Variants in PTPRD observed in about 807,000 individuals in gnomAD.
PTPRD encodes the protein protein tyrosine phosphatase receptor type D, also known as receptor-type tyrosine-protein phosphatase delta.
PTPRD carries 34 observed loss-of-function variants against 214.5 expected under a neutral mutation model. That is an observed-to-expected ratio of 0.16 (90% CI 0.12 to 0.21). PTPRD has a LOEUF of 0.21. PTPRD is among the 10% of genes least tolerant of loss of function. PTPRD has a pLI of 1.00. For missense variants in PTPRD, 2,545 were observed against 2,398.7 expected (o/e 1.06, Z -1.27); for synonymous variants, 1,128 against 845.7 (o/e 1.33, Z -5.79).
intron 12 of PTPRD, among the ~76,000 whole-genome samples, chr9:8,699,297 C>T (rs182556475): frequency 6.6e-6 from 1 of 152,132 alleles, no homozygotes; most frequent in Admixed American, 6.5e-5. Context: ...CAGGGCCTTT[C>T]AACATATCCC....
chr9:9,766,272 T>C (rs1180474601), intron 6 of PTPRD, among the ~76,000 whole-genome samples: 1 of 152,210 alleles, frequency 6.6e-6, no homozygotes, highest in Non-Finnish European at 1.5e-5. Flanking sequence ...ACAGGCATTG[T>C]GTATTAACCT....
chr9:9,437,560 C>A (rs1569568321), intron 8 of PTPRD, among the ~76,000 whole-genome samples: 1 of 152,040 alleles, frequency 6.6e-6, no homozygotes, highest in Non-Finnish European at 1.5e-5. Context: ...TTTTAGTAGT[C>A]CTGCTTGAGG....
intron 3 of PTPRD, among the ~76,000 whole-genome samples, chr9:10,184,781 T>C (rs2099321238): frequency 6.6e-6 from 1 of 152,188 alleles, no homozygotes; most frequent in Non-Finnish European, 1.5e-5. Context: ...AAGTGATAAA[T>C]GCGAGGTTTC....
chr9:8,937,608 G>T (rs1024162020), intron 11 of PTPRD, among the ~76,000 whole-genome samples: 2 of 152,048 alleles, frequency 1.3e-5, no homozygotes, highest in African/African-American at 4.8e-5. Context: ...GCTTTGCATT[G>T]CAGCTTGGAA....
At chr9:9,984,852 G>A (rs773636101) in intron 4 of PTPRD, among the ~76,000 whole-genome samples, 8 of 152,068 alleles carry the variant, frequency 5.3e-5, no homozygotes, top group African/African-American at 1.7e-4. Flanking sequence ...GGCTGGGCAA[G>A]CATCATCAGT....
chr9:9,592,718 A>C (rs891828784), intron 7 of PTPRD, among the ~76,000 whole-genome samples: 1 of 151,968 alleles, frequency 6.6e-6, no homozygotes, highest in South Asian at 2.1e-4. Flanking sequence ...GTAGGTGAAG[A>C]TTGCTAAAAC....
At chr9:9,862,555 T>G (rs1249179260) in intron 5 of PTPRD, among the ~76,000 whole-genome samples, 1 of 152,220 alleles carries the variant, frequency 6.6e-6, no homozygotes, top group Non-Finnish European at 1.5e-5. Flanking sequence ...GGCAAAGGCT[T>G]CAGAAACTGC....
chr9:9,076,305 G>C lies in PTPRD; in HGVS notation c.-142-57570C>G, dbSNP rs535950847. On this transcript the variant is annotated intron_variant, in intron 10 of 45. Coordinates refer to ENST00000381196, the MANE Select transcript of PTPRD (RefSeq NM_002839.4). ...TCTGGATATTAGCCCTTTGTCAGAC[G>C]GGGAGATTGCAAAAATTTTCCCCCG... 2.4e-4 allele frequency among the ~76,000 whole-genome samples: 37 copies of C among 152,148 alleles called. 1 individual carries two copies. The South Asian group carries it at 5.8e-3, about 24-fold the overall frequency.
At chr9:9,524,430 T>G (rs533676695) in intron 8 of PTPRD, among the ~76,000 whole-genome samples, 1 of 152,214 alleles carries the variant, frequency 6.6e-6, no homozygotes, top group Non-Finnish European at 1.5e-5. Context: ...TCCTAAAGAT[T>G]TATTGCTTAA....
intron 37 of PTPRD, among the ~76,000 whole-genome samples, chr9:8,379,398 T>G (rs976078978): frequency 2.0e-5 from 3 of 152,276 alleles, no homozygotes; most frequent in Non-Finnish European, 4.4e-5. Context: ...CATCTGATTT[T>G]GGAGGGCTGA....
chr9:9,729,703 A>G (rs927699531), intron 7 of PTPRD, among the ~76,000 whole-genome samples: 3 of 152,110 alleles, frequency 2.0e-5, no homozygotes, highest in African/African-American at 7.2e-5. Context: ...AGTTGGGGTC[A>G]TGTCATATCC....
intron 3 of PTPRD, among the ~76,000 whole-genome samples, chr9:10,323,479 T>A (rs1225378396): frequency 6.6e-6 from 1 of 151,202 alleles, no homozygotes; most frequent in Non-Finnish European, 1.5e-5. Context: ...TATTTATTTA[T>A]GTATTTATTA....
intron 14 of PTPRD, among the ~76,000 whole-genome samples, chr9:8,623,663 A>G (rs1288241312): frequency 6.6e-6 from 1 of 151,894 alleles, no homozygotes; most frequent in African/African-American, 2.4e-5. Flanking sequence ...ACAGCTTTAC[A>G]TGGATTATCT....
chr9:9,198,295 C>A (rs2099939830), intron 9 of PTPRD, among the ~76,000 whole-genome samples: 1 of 151,770 alleles, frequency 6.6e-6, no homozygotes, highest in Admixed American at 6.6e-5. Flanking sequence ...ACCATAAAAT[C>A]AAACCAAACT....
At chr9:9,359,005 C>A (rs528301862) in intron 9 of PTPRD, among the ~76,000 whole-genome samples, 2 of 151,326 alleles carry the variant, frequency 1.3e-5, no homozygotes, top group Admixed American at 6.6e-5. Context: ...GCTGCACTTG[C>A]ATTTATTATG....
intron 3 of PTPRD, among the ~76,000 whole-genome samples, chr9:10,069,277 G>A (rs1348523011): frequency 6.6e-6 from 1 of 151,962 alleles, no homozygotes; most frequent in Non-Finnish European, 1.5e-5. Context: ...CAAGGTCAAT[G>A]AGTCTCATTA....
intron 7 of PTPRD, among the ~76,000 whole-genome samples, chr9:9,618,857 G>A (rs1409555784): frequency 6.6e-6 from 1 of 151,990 alleles, no homozygotes; most frequent in African/African-American, 2.4e-5. Context: ...AAAGGCAGGA[G>A]GTTAGGGAAG....
intron 6 of PTPRD, among the ~76,000 whole-genome samples, chr9:9,740,457 A>C (rs1028294177): frequency 6.6e-6 from 1 of 151,464 alleles, no homozygotes; most frequent in African/African-American, 2.4e-5. Context: ...TCCCGGGTTC[A>C]CGCCATTCTC....
chr9:10,292,756 A>G (rs1250757330), intron 3 of PTPRD, among the ~76,000 whole-genome samples: 1 of 151,782 alleles, frequency 6.6e-6, no homozygotes, highest in Non-Finnish European at 1.5e-5. Context: ...CTGATGAATG[A>G]CTGTAGGATT....
Sources: allele counts gnomAD v4.1 joint callset (sites outside exome capture counted in the v4.1 genomes callset), GRCh38; gene constraint gnomAD v4.1.1; transcripts MANE v1.5; gene names NCBI Gene and HGNC (gene_info 2026-07-23, HGNC 2026-07-21).